POMGNT2: variants seen among roughly 807,000 people sequenced by gnomAD.
POMGNT2 encodes the protein protein O-linked mannose N-acetylglucosaminyltransferase 2 (beta 1,4-), also known as protein O-linked-mannose beta-1,4-N-acetylglucosaminyltransferase 2.
A neutral mutation model predicts 37.8 loss-of-function variants in POMGNT2; 32 were observed. That is an observed-to-expected ratio of 0.85 (90% CI 0.64 to 1.14). POMGNT2 has a LOEUF of 1.14. Among genes scored for constraint, POMGNT2 ranks in the 50% most tolerant of loss-of-function variants. POMGNT2 has a pLI of 0.00. For synonymous variants in POMGNT2, 340 were observed against 336.8 expected (o/e 1.01, Z -0.10); for missense variants, 705 against 780.6 (o/e 0.90, Z 1.15).
chr3:43,100,835 T>C (rs1438069461), intron 1 of POMGNT2, among the ~76,000 whole-genome samples: 1 of 152,212 alleles, frequency 6.6e-6, no homozygotes. Flanking sequence ...CAATGTCTGA[T>C]GTTTTCTCAT....
At position 43,080,551 on chromosome 3, in the gene POMGNT2, C is replaced by T. The variant is rs554787245; in HGVS notation, c.881G>A (p.Arg294Gln). 12 of 1,614,174 alleles carry T rather than the reference C, an allele frequency of 7.4e-6. No individual in the cohort carries two copies. The highest frequency in any genetic ancestry group is 3.3e-5 in the Admixed American group (2 of 60,026). Residue 294 changes from arginine (R) to glutamine (Q), a missense_variant, in exon 2 of 2, where the codon CGA becomes CAA. Physicochemically the swap from Arg to Gln is conservative, Grantham distance 43. Coordinates refer to ENST00000344697, the MANE Select transcript of POMGNT2 (RefSeq NM_032806.6). ...LGEEYILVFS[R>Q]TQNRLILNEA... The stretch of plus-strand genomic sequence containing the variant: ...ATTCAGAATGAGTCTGTTCTGGGTT[C>T]GGCTAAAGACCAGAATGTACTCCTC...
intron 1 of POMGNT2, among the ~76,000 whole-genome samples, chr3:43,094,697 A>G (rs2089966917): frequency 6.6e-6 from 1 of 152,192 alleles, no homozygotes; most frequent in Admixed American, 6.5e-5. Flanking sequence ...ATTCTTTCAG[A>G]CTGAAGGCCT....
At chr3:43,082,927 T>C (rs2089867849) in intron 1 of POMGNT2, among the ~76,000 whole-genome samples, 1 of 152,186 alleles carries the variant, frequency 6.6e-6, no homozygotes, top group South Asian at 2.1e-4. Context: ...AGCCAACACA[T>C]ACAGGGTACA....
At chr3:43,100,362 T>C (rs2090009415) in intron 1 of POMGNT2, among the ~76,000 whole-genome samples, 1 of 152,232 alleles carries the variant, frequency 6.6e-6, no homozygotes, top group African/African-American at 2.4e-5. Flanking sequence ...ACTTAAAGTA[T>C]ACAGGAGGAT....
At chr3:43,097,788 T>C (rs574036877) in intron 1 of POMGNT2, among the ~76,000 whole-genome samples, 27 of 152,306 alleles carry the variant, frequency 1.8e-4, no homozygotes, top group African/African-American at 6.5e-4. Flanking sequence ...ATGTCCTCAT[T>C]TGTAACTTCT....
At chr3:43,091,808 C>A (rs759231111) in intron 1 of POMGNT2, among the ~76,000 whole-genome samples, 1 of 152,330 alleles carries the variant, frequency 6.6e-6, no homozygotes, top group African/African-American at 2.4e-5. Context: ...GCCCAAAATG[C>A]GTAACTTCAA....
At chr3:43,084,880 CT>C (rs1396503282) in intron 1 of POMGNT2, among the ~76,000 whole-genome samples, 1 of 150,282 alleles carries the variant, frequency 6.7e-6, no homozygotes, top group South Asian at 2.1e-4. Context: ...TTTATAACTT[CT>C]TTTTTTTTGC....
chr3:43,105,324 T>C (rs551979429), intron 1 of POMGNT2, among the ~76,000 whole-genome samples: 38 of 152,254 alleles, frequency 2.5e-4, no homozygotes, highest in African/African-American at 8.4e-4. Context: ...ACATGGTAGG[T>C]GCCCTACTGG....
intron 1 of POMGNT2, among the ~76,000 whole-genome samples, chr3:43,093,761 T>C (rs1212328113): frequency 2.0e-5 from 3 of 152,168 alleles, no homozygotes; most frequent in African/African-American, 7.2e-5. Flanking sequence ...GGTTACCCAC[T>C]GGTAACAAGC....
At chr3:43,081,724 C>G (rs1047214904) in intron 1 of POMGNT2, among the ~76,000 whole-genome samples, 188 bp from the exon 2 acceptor site, 2 of 152,214 alleles carry the variant, frequency 1.3e-5, no homozygotes, top group Admixed American at 1.3e-4. Context: ...CTCTCCCTCC[C>G]CATCGCCTCC....
chr3:43,102,791 T>C (rs1263765528), intron 1 of POMGNT2, among the ~76,000 whole-genome samples: 1 of 152,220 alleles, frequency 6.6e-6, no homozygotes, highest in African/African-American at 2.4e-5. Context: ...CTTAGTACCG[T>C]GCTCATCTGT....
At chr3:43,097,828 G>A (rs1045186699) in intron 1 of POMGNT2, among the ~76,000 whole-genome samples, 1 of 152,186 alleles carries the variant, frequency 6.6e-6, no homozygotes, top group South Asian at 2.1e-4. Context: ...TGAAGACAAC[G>A]TGCACCAAGG....
chr3:43,088,340 C>T (rs757132859), intron 1 of POMGNT2, among the ~76,000 whole-genome samples: 2 of 152,192 alleles, frequency 1.3e-5, no homozygotes, highest in South Asian at 2.1e-4. Context: ...AGACAGTGAA[C>T]GCTGTCACTA....
intron 1 of POMGNT2, among the ~76,000 whole-genome samples, chr3:43,090,270 T>G (rs2089932133): frequency 6.6e-6 from 1 of 152,236 alleles, no homozygotes; most frequent in Admixed American, 6.5e-5. Flanking sequence ...CAACCTTTAC[T>G]TTCTGAAATC....
intron 1 of POMGNT2, among the ~76,000 whole-genome samples, chr3:43,104,040 T>C (rs1343314891): frequency 1.3e-5 from 2 of 152,218 alleles, no homozygotes; most frequent in African/African-American, 2.4e-5. Flanking sequence ...TTACACGCAT[T>C]ATCTCATTTA....
chr3:43,079,715 C>T lies in POMGNT2; in HGVS notation c.1717G>A (p.Ala573Thr). The change falls in exon 2 of 2, where the codon GCA (alanine) becomes ACA (threonine). Residue 573 changes from alanine to threonine, a missense_variant. Coordinates refer to ENST00000344697, the MANE Select transcript of POMGNT2 (RefSeq NM_032806.6). The part of the protein sequence containing the change: ...IFNKILLGPF[A>T]DVLVCNT ...TACGTGTTGCACACCAGCACATCTG[C>T]AAAGGGTCCCAGGAGGATCTTGTTG... The T allele has an allele frequency of 6.2e-7, 1 of 1,613,680 alleles. No individual in the cohort carries two copies. The highest frequency in any genetic ancestry group is 8.5e-7 in the Non-Finnish European group (1 of 1,179,758).
In POMGNT2 at chr3:43,079,862, C is replaced by T. The variant is rs768998782; in HGVS notation, c.1570G>A (p.Val524Met). 6.2e-7 allele frequency: 1 copy of T among 1,614,202 alleles called. No homozygotes were observed. The highest frequency in any genetic ancestry group is 1.7e-5 in the Admixed American group (1 of 60,034). Residue 524 changes from valine (V) to methionine (M), a missense_variant, in exon 2 of 2, where the codon GTG becomes ATG. By Grantham distance (21) the Val-to-Met change is conservative. Coordinates refer to ENST00000344697, the MANE Select transcript of POMGNT2 (RefSeq NM_032806.6). ...TTCTCCCCCTGCTCCTGCAGCCACA[C>T]CTCGTACTTCACCTCCCTCACCTTC... ...YLKVREVKYE[V>M]WLQEQGENTY...
At position 43,098,886 on chromosome 3, in the gene POMGNT2, A is replaced by G. The variant is rs555895136; in HGVS notation, c.-106+6950T>C. ...ATATGCAACCCTCTCACCGGTTTTCAGCCTCCAAATAACGCAGAAACCTTT... is the reference window on the plus strand; with the variant it reads ...ATATGCAACCCTCTCACCGGTTTTCGGCCTCCAAATAACGCAGAAACCTTT... On this transcript the variant is annotated intron_variant, in intron 1 of 1. Coordinates refer to ENST00000344697, the MANE Select transcript of POMGNT2 (RefSeq NM_032806.6). The surrounding 1 kb of genome is among the most constrained non-coding windows in gnomAD (Gnocchi z 4.3). Among the ~76,000 whole-genome samples, 6 of 126,254 alleles carry G rather than the reference A, an allele frequency of 4.8e-5. No homozygotes were observed. The highest frequency in any genetic ancestry group is 1.1e-4 in the Non-Finnish European group (6 of 57,000). The allele number at this position is 126,254 out of a possible 152,430, so 82.8% of individuals were successfully genotyped here. A position where few individuals can be genotyped will look rare whatever the true frequency, so the allele number is the denominator to read the frequency against.
In POMGNT2 at chr3:43,081,428, G is replaced by A. The variant is rs1261030788; in HGVS notation, c.4C>T (p.His2Tyr). ...AGGGCGTTGAACACCGCCGAGAGGT[G>A]CATCCTAATGCCACTGTGGGGCCCT... MHLSAVFNALLV... is the reference protein window; with the variant it reads MYLSAVFNALLV... The change falls in exon 2 of 2, where the codon CAC (histidine) becomes TAC (tyrosine). Residue 2 changes from histidine to tyrosine, a missense_variant. By Grantham distance (83) the His-to-Tyr change is moderately conservative (BLOSUM62 2). Coordinates refer to ENST00000344697, the MANE Select transcript of POMGNT2 (RefSeq NM_032806.6). 8 of 1,554,176 alleles carry A rather than the reference G, an allele frequency of 5.1e-6. No individual in the cohort carries two copies. The highest frequency in any genetic ancestry group is 2.3e-5 in the East Asian group (1 of 44,058).
Sources: allele counts gnomAD v4.1 joint callset (sites outside exome capture counted in the v4.1 genomes callset), GRCh38; gene constraint gnomAD v4.1.1; non-coding constraint Gnocchi (gnomAD v3.1); transcripts MANE v1.5; gene names NCBI Gene and HGNC (gene_info 2026-07-23, HGNC 2026-07-21).